Variants in MEF2D observed in about 807,000 individuals in gnomAD.
MEF2D encodes myocyte-specific enhancer factor 2D.
In MEF2D, 10 loss-of-function variants were observed where a neutral mutation model predicts 59.3. The ratio of observed to expected loss-of-function variants is 0.17; its 90% CI spans 0.10 to 0.29. The LOEUF (loss-of-function observed/expected upper bound fraction) is 0.29. Among genes scored for constraint, MEF2D ranks in the 10% least tolerant of loss-of-function variants. MEF2D has a pLI of 1.00. For missense variants in MEF2D, 508 were observed against 699.4 expected (o/e 0.73, Z 3.09); for synonymous variants, 305 against 295.0 (o/e 1.03, Z -0.35).
chr1:156,479,335 C>T lies in MEF2D; in HGVS notation c.619G>A (p.Gly207Arg). The change falls in exon 6 of 12, where the codon GGG (glycine) becomes AGG (arginine). Residue 207 changes from glycine to arginine, a missense_variant. Transcript: ENST00000348159. Reference protein sequence around the residue: ...QRPASAGAMLGGDLNSANGAC... With the variant: ...QRPASAGAMLRGDLNSANGAC... Reference sequence around the variant, plus strand: ...CCGTTAGCACTGTTCAGGTCACCCCCCAGCATGGCCCCTGGAGGAAAAACA... The same window carrying T: ...CCGTTAGCACTGTTCAGGTCACCCCTCAGCATGGCCCCTGGAGGAAAAACA... The T allele has an allele frequency of 1.2e-6, 2 of 1,612,600 alleles. No homozygotes were observed. Among genetic ancestry groups the T allele is most frequent in the Non-Finnish European group, 1.7e-6 (2 of 1,179,520 alleles).
At chr1:156,474,177 T>C (rs1671418213) in intron 9 of MEF2D, among the ~76,000 whole-genome samples, 1 of 152,136 alleles carries the variant, frequency 6.6e-6, no homozygotes, top group Non-Finnish European at 1.5e-5. Flanking sequence ...AAATAAACAA[T>C]GCTGGCCAGG....
intron 1 of MEF2D, among the ~76,000 whole-genome samples, chr1:156,498,788 G>T (rs892894495): frequency 6.6e-6 from 1 of 152,104 alleles, no homozygotes; most frequent in African/African-American, 2.4e-5. Flanking sequence ...AGTGGGGAAG[G>T]AGCTCCATAT....
At chr1:156,484,603 A>T (rs189841063) in intron 1 of MEF2D, among the ~76,000 whole-genome samples, 240 of 152,320 alleles carry the variant, frequency 1.6e-3, no homozygotes, top group Non-Finnish European at 2.9e-3. Flanking sequence ...CAAATGACAT[A>T]CACTGGGGAG....
intron 9 of MEF2D, among the ~76,000 whole-genome samples, chr1:156,474,631 A>T (rs143189980): frequency 2.0e-5 from 3 of 151,894 alleles, no homozygotes; most frequent in Non-Finnish European, 4.4e-5. Context: ...GGCAACAGAG[A>T]GACCTTGTCT....
rs1671837777 is a variant in MEF2D at position 156,479,449 on chromosome 1, C to T, written c.608-103G>A. ...GGGGACCCCAGGAGGAAGAGTCATA[C>T]TCCCTTCCCTCAGGAGCCATACAAA... is the stretch of plus-strand genomic sequence containing the variant. On this transcript the variant is annotated intron_variant, in intron 5 of 11. Transcript: ENST00000348159. 3.4e-6 allele frequency: 5 copies of T among 1,476,878 alleles called. No individual in the cohort carries two copies. The Admixed American group carries it at 6.2e-5, about 18-fold the overall frequency. 91.5% of individuals were successfully genotyped at this position (1,476,878 alleles called of 1,614,324 possible). A position where few individuals can be genotyped will look rare whatever the true frequency, so the allele number is the denominator to read the frequency against.
chr1:156,482,388 T>C (rs779149262), intron 3 of MEF2D, 49 bp downstream of exon 3: 9 of 1,599,844 alleles, frequency 5.6e-6, no homozygotes, highest in Middle Eastern at 2.1e-4. Context: ...CACGTGTCCA[T>C]GTGGATGCAG....
At chr1:156,475,665 C>T (rs1671523032) in intron 8 of MEF2D, among the ~76,000 whole-genome samples, 1 of 152,218 alleles carries the variant, frequency 6.6e-6, no homozygotes, top group South Asian at 2.1e-4. Context: ...GTGGCGTGTG[C>T]CTGCGCGTAT....
At chr1:156,481,107 C>T (rs914875826) in intron 3 of MEF2D, 136 bp from the exon 4 acceptor site, 2 of 1,249,130 alleles carry the variant, frequency 1.6e-6, no homozygotes, top group Non-Finnish European at 2.2e-6. Context: ...TCTCCCTGGC[C>T]CCTCCCCACT....
rs1287068267 is a variant in MEF2D, at chr1:156,466,607, C to T, written c.*1038G>A. ...TCCCCCAGGTAGTGTGCGTGCAAGACCAAGGACGTCCCCTCACCACACTCG... is the reference window on the plus strand; with the variant it reads ...TCCCCCAGGTAGTGTGCGTGCAAGATCAAGGACGTCCCCTCACCACACTCG... On this transcript the variant is annotated 3_prime_UTR_variant, in exon 12 of 12. Coordinates refer to ENST00000348159, the MANE Select transcript of MEF2D (RefSeq NM_005920.4). The T allele has an allele frequency of 6.5e-6, 1 of 152,792 alleles. No individual in the cohort carries two copies. Among genetic ancestry groups the T allele is most frequent in the African/African-American group, 2.4e-5 (1 of 41,412 alleles). The allele number at this position is 152,792 out of a possible 1,614,324, so 9.5% of individuals were successfully genotyped here.
At chr1:156,497,990 G>A (rs1368636633) in intron 1 of MEF2D, among the ~76,000 whole-genome samples, 3 of 151,350 alleles carry the variant, frequency 2.0e-5, no homozygotes, top group Admixed American at 1.3e-4. Flanking sequence ...GCCTCCTCGG[G>A]GGCCAAGGCA....
intron 1 of MEF2D, among the ~76,000 whole-genome samples, chr1:156,489,847 C>T (rs1001159992): frequency 6.6e-5 from 10 of 152,156 alleles, no homozygotes; most frequent in African/African-American, 2.2e-4. Context: ...GGACCAAGGA[C>T]GACAGCTGCC....
intron 1 of MEF2D, among the ~76,000 whole-genome samples, chr1:156,485,172 AC>A (rs1194152548): frequency 1.3e-5 from 2 of 151,852 alleles, no homozygotes; most frequent in Non-Finnish European, 2.9e-5. Flanking sequence ...ACTGCACACT[AC>A]CTGGGGAGAG....
intron 1 of MEF2D, among the ~76,000 whole-genome samples, chr1:156,490,216 T>TA (rs1672697206): frequency 6.6e-6 from 1 of 151,442 alleles, no homozygotes; most frequent in Non-Finnish European, 1.5e-5. Flanking sequence ...CCCACGCCCC[T>TA]ACTCCTGGGC....
intron 8 of MEF2D, 81 bp from the exon 9 acceptor site, chr1:156,475,318 G>C: frequency 1.4e-6 from 2 of 1,472,496 alleles, no homozygotes; most frequent in East Asian, 4.9e-5. Flanking sequence ...GGCCAAGGTG[G>C]GGTTCCTGAA....
At chr1:156,471,513 T>A (rs1209776290) in intron 9 of MEF2D, among the ~76,000 whole-genome samples, 1 of 151,904 alleles carries the variant, frequency 6.6e-6, no homozygotes, top group Non-Finnish European at 1.5e-5. Context: ...CCTCAGTGAG[T>A]GAGTGATGGA....
intron 6 of MEF2D, among the ~76,000 whole-genome samples, 176 bp from the exon 7 acceptor site, chr1:156,477,378 G>A (rs1305668886): frequency 6.6e-6 from 1 of 152,078 alleles, no homozygotes; most frequent in Non-Finnish European, 1.5e-5. Flanking sequence ...GAGAATAATG[G>A]GAGGCAAGTA....
intron 1 of MEF2D, among the ~76,000 whole-genome samples, chr1:156,494,021 G>A (rs1039361302): frequency 6.6e-6 from 1 of 152,126 alleles, no homozygotes; most frequent in African/African-American, 2.4e-5. Flanking sequence ...GTGGTGGCTG[G>A]AGGAAAGGGC....
chr1:156,476,134 C>A (rs529376309), intron 8 of MEF2D, among the ~76,000 whole-genome samples: 1 of 152,306 alleles, frequency 6.6e-6, no homozygotes, highest in South Asian at 2.1e-4. Flanking sequence ...CTAGTGGGAT[C>A]CAGCCCCCTA....
At chr1:156,473,709 C>A (rs1007929553) in intron 9 of MEF2D, among the ~76,000 whole-genome samples, 1 of 152,180 alleles carries the variant, frequency 6.6e-6, no homozygotes, top group African/African-American at 2.4e-5. Flanking sequence ...CAGGACAGCC[C>A]GCGCACTGGG....
Sources: allele counts gnomAD v4.1 joint callset (sites outside exome capture counted in the v4.1 genomes callset), GRCh38; gene constraint gnomAD v4.1.1; transcripts MANE v1.5; gene names NCBI Gene and HGNC (gene_info 2026-07-23, HGNC 2026-07-21).